The following CPQ variants were observed in gnomAD, a reference collection of about 807,000 sequenced individuals.
CPQ encodes the protein Ser-Met dipeptidase.
Under a neutral mutation model 45.7 loss-of-function variants are expected in CPQ, and 37 were observed. That is an observed-to-expected ratio of 0.81 (90% CI 0.62 to 1.07). CPQ has a LOEUF of 1.07. Ranked by LOEUF, CPQ falls within the 50% of genes least tolerant of loss-of-function variation. The pLI, the probability that CPQ is intolerant of heterozygous loss-of-function variation, is 0.00. For missense variants in CPQ, 537 were observed against 572.9 expected, an observed-to-expected ratio of 0.94 and a Z score of 0.64; for synonymous variants, 186 against 205.8, an observed-to-expected ratio of 0.90 and a Z score of 0.82.
chr8:96,872,393 G>T (rs1181460018), intron 3 of CPQ, among the ~76,000 whole-genome samples: 1 of 151,788 alleles, frequency 6.6e-6, no homozygotes. Flanking sequence ...TTGGATTTTT[G>T]GATTAGGGAT....
At chr8:96,808,730 A>G (rs1052683908) in intron 2 of CPQ, among the ~76,000 whole-genome samples, 1 of 152,154 alleles carries the variant, frequency 6.6e-6, no homozygotes, top group Non-Finnish European at 1.5e-5. Context: ...CTTTGTTCTT[A>G]TGTTTTTCAA....
chr8:96,769,821 G>A (rs1005835096), intron 1 of CPQ, among the ~76,000 whole-genome samples: 1 of 151,628 alleles, frequency 6.6e-6, no homozygotes, highest in African/African-American at 2.4e-5. Context: ...TGTGGGGGGT[G>A]GGTAGAGATG....
intron 1 of CPQ, among the ~76,000 whole-genome samples, chr8:96,715,680 G>T (rs1329604744): frequency 1.3e-5 from 2 of 152,124 alleles, no homozygotes; most frequent in Non-Finnish European, 2.9e-5. Flanking sequence ...CTTCACTTTT[G>T]CCTCTGCTGA....
intron 5 of CPQ, among the ~76,000 whole-genome samples, chr8:96,987,796 C>T (rs558163564): frequency 2.0e-5 from 3 of 152,260 alleles, no homozygotes; most frequent in Admixed American, 6.5e-5. Flanking sequence ...ACAGTTATTT[C>T]CTCTTATGGA....
At chr8:96,700,605 G>A (rs1413372701) in intron 1 of CPQ, among the ~76,000 whole-genome samples, 3 of 152,156 alleles carry the variant, frequency 2.0e-5, no homozygotes, top group Non-Finnish European at 2.9e-5. Flanking sequence ...AAGACCACCA[G>A]CATCAGAAAG....
At chr8:96,887,726 A>T (rs751778371) in intron 4 of CPQ, among the ~76,000 whole-genome samples, 1 of 152,150 alleles carries the variant, frequency 6.6e-6, no homozygotes, top group East Asian at 1.9e-4. Flanking sequence ...ATGTTAATAT[A>T]TTCATGAATT....
chr8:96,957,587 G>T (rs983990236), intron 4 of CPQ, among the ~76,000 whole-genome samples: 1 of 152,082 alleles, frequency 6.6e-6, no homozygotes, highest in African/African-American at 2.4e-5. Flanking sequence ...CAGATCACTT[G>T]AAGTCAGGAG....
chr8:97,057,476 T>C (rs1810475233), intron 6 of CPQ, among the ~76,000 whole-genome samples: 1 of 152,182 alleles, frequency 6.6e-6, no homozygotes, highest in South Asian at 2.1e-4. Context: ...GTGGTGCACT[T>C]TCTCTTCCTA....
intron 5 of CPQ, among the ~76,000 whole-genome samples, chr8:96,980,227 G>T (rs1181853603): frequency 6.6e-6 from 1 of 152,040 alleles, no homozygotes; most frequent in Non-Finnish European, 1.5e-5. Context: ...CCGCCTCCTG[G>T]GTTCAAGTGA....
At chr8:97,047,643 A>G (rs536852603) in intron 6 of CPQ, among the ~76,000 whole-genome samples, 4 of 152,212 alleles carry the variant, frequency 2.6e-5, no homozygotes, top group African/African-American at 9.6e-5. Flanking sequence ...ATGAGTTTTA[A>G]AAAAATAACC....
intron 7 of CPQ, among the ~76,000 whole-genome samples, chr8:97,115,591 G>A (rs1419053861): frequency 6.6e-6 from 1 of 152,184 alleles, no homozygotes; most frequent in Non-Finnish European, 1.5e-5. Flanking sequence ...CGAAATAGTT[G>A]ATCAGTACCT....
rs78949620 is a variant in CPQ, at chr8:96,945,243, G to A, written c.850-20692G>A. ...GGTCAGTGGGGCAGAGAGCACAGTCGTCTCAAAAGTGGGTGTGGGGAGATC... is the reference window on the plus strand; with the variant it reads ...GGTCAGTGGGGCAGAGAGCACAGTCATCTCAAAAGTGGGTGTGGGGAGATC... On this transcript the variant is annotated intron_variant, in intron 4 of 7. Transcript: ENST00000220763. Among the ~76,000 whole-genome samples the A allele has an allele frequency of 5.6e-3, 849 of 152,246 alleles. 7 individuals are homozygous for A. Among genetic ancestry groups the A allele is most frequent in the African/African-American group, 0.019 (782 of 41,542 alleles).
intron 3 of CPQ, among the ~76,000 whole-genome samples, chr8:96,851,532 A>G (rs185642863): frequency 1.1e-3 from 164 of 152,292 alleles, no homozygotes; most frequent in Middle Eastern, 6.8e-3. Flanking sequence ...GAGGGGAGGA[A>G]CGCTGTGTCC....
intron 5 of CPQ, among the ~76,000 whole-genome samples, chr8:97,001,721 CT>C (rs61282246): frequency 0.016 from 1,428 of 92,100 alleles, 6 homozygotes; most frequent in African/African-American, 0.035. Context: ...TTCTTTCTTT[CT>C]TTTTTTTTTT....
intron 6 of CPQ, among the ~76,000 whole-genome samples, chr8:97,036,031 T>C (rs1039143037): frequency 2.6e-5 from 4 of 152,082 alleles, no homozygotes; most frequent in Admixed American, 2.0e-4. Context: ...TTCATTTCGG[T>C]GTTCTGCTTT....
chr8:96,937,255 T>C (rs1270120397), intron 4 of CPQ, among the ~76,000 whole-genome samples: 1 of 152,118 alleles, frequency 6.6e-6, no homozygotes, highest in African/African-American at 2.4e-5. Flanking sequence ...GAAAGCCTTG[T>C]CAGGGGAAGT....
rs144739816 is a variant in CPQ, at chr8:96,858,732, T to C, written c.642-21066T>C. Among the ~76,000 whole-genome samples the C allele has an allele frequency of 3.2e-3, 493 of 152,312 alleles. 5 individuals are homozygous for C. The highest frequency in any genetic ancestry group is 0.011 in the African/African-American group (458 of 41,562). On this transcript the variant is annotated intron_variant, in intron 3 of 7. Coordinates refer to ENST00000220763, the MANE Select transcript of CPQ (RefSeq NM_016134.4). The stretch of plus-strand genomic sequence containing the variant: ...TGAACTGTTTAAGTAGTTTTGATAA[T>C]TCGTTGCTTTAAAAAATACACAAAG...
chr8:96,908,188 A>G (rs879287571), intron 4 of CPQ, among the ~76,000 whole-genome samples: 5 of 151,242 alleles, frequency 3.3e-5, no homozygotes, highest in Non-Finnish European at 7.4e-5. Flanking sequence ...GGAGAGAGGG[A>G]GAAGAGAGAG....
At chr8:96,694,972 G>A (rs1038169991) in intron 1 of CPQ, among the ~76,000 whole-genome samples, 8 of 152,010 alleles carry the variant, frequency 5.3e-5, no homozygotes, top group Non-Finnish European at 8.8e-5. Flanking sequence ...AAAAGAGCCC[G>A]CATTGCCAAG....
Sources: gnomAD v4.1 joint callset for allele counts (sites outside exome capture counted in the v4.1 genomes callset) on GRCh38, gnomAD v4.1.1 for gene constraint, MANE v1.5 for transcripts, NCBI Gene and HGNC (gene_info 2026-07-23, HGNC 2026-07-21) for gene names.